RBFOX1: variants seen among roughly 807,000 people sequenced by gnomAD.
RBFOX1 encodes RNA binding protein fox-1 homolog 1.
RBFOX1 carries 8 observed loss-of-function variants against 57.7 expected under a neutral mutation model. That is an observed-to-expected ratio of 0.14 (90% CI 0.08 to 0.25). The LOEUF (loss-of-function observed/expected upper bound fraction) is 0.25, where lower values mean the gene tolerates loss of function less well. RBFOX1 is among the 10% of genes least tolerant of loss of function. RBFOX1 has a pLI of 1.00. For missense variants in RBFOX1, 611 were observed against 548.5 expected, an observed-to-expected ratio of 1.11 and a Z score of -1.14; for synonymous variants, 326 against 222.4, an observed-to-expected ratio of 1.47 and a Z score of -4.15.
At chr16:6,898,959 G>C (rs114529120) in intron 3 of RBFOX1, among the ~76,000 whole-genome samples, 2,093 of 151,500 alleles carry the variant, frequency 0.014, 54 homozygotes, top group African/African-American at 0.047. Context: ...ATAATACATT[G>C]TGTATGTGTA....
intron 2 of RBFOX1, among the ~76,000 whole-genome samples, chr16:6,605,430 G>T (rs1187958196): frequency 6.6e-6 from 1 of 152,098 alleles, no homozygotes; most frequent in African/African-American, 2.4e-5. Flanking sequence ...ACTGTGAACT[G>T]GATCTTATAT....
chr16:7,049,939 CAAATATCCAGT>C (rs1178109755), intron 3 of RBFOX1, among the ~76,000 whole-genome samples: 1 of 152,128 alleles, frequency 6.6e-6, no homozygotes, highest in East Asian at 1.9e-4. Context: ...CAATGTTGTG[CAAATATCCAGT>C]TTGAGAACAT....
chr16:7,325,789 C>G (rs1221010371), intron 4 of RBFOX1, among the ~76,000 whole-genome samples: 1 of 152,192 alleles, frequency 6.6e-6, no homozygotes, highest in Non-Finnish European at 1.5e-5. Flanking sequence ...TAGCCATCCT[C>G]TCCTTCACTG....
intron 4 of RBFOX1, among the ~76,000 whole-genome samples, chr16:5,891,208 C>T (rs1176568242): frequency 2.0e-5 from 3 of 152,058 alleles, no homozygotes; most frequent in Admixed American, 6.5e-5. Flanking sequence ...TCCTCTCTCT[C>T]GTGCATGTGA....
intron 2 of RBFOX1, among the ~76,000 whole-genome samples, chr16:6,523,899 C>T (rs1169266494): frequency 6.6e-6 from 1 of 152,100 alleles, no homozygotes; most frequent in Non-Finnish European, 1.5e-5. Context: ...GGTATAGATA[C>T]TTATGGGATG....
At chr16:6,522,014 A>T (rs1277085949) in intron 2 of RBFOX1, among the ~76,000 whole-genome samples, 1 of 152,152 alleles carries the variant, frequency 6.6e-6, no homozygotes, top group African/African-American at 2.4e-5. Flanking sequence ...TACAAAGCCA[A>T]ATATTTGTTT....
intron 3 of RBFOX1, among the ~76,000 whole-genome samples, chr16:7,011,273 T>A (rs1385589552): frequency 6.6e-6 from 1 of 152,204 alleles, no homozygotes. Context: ...ATTCTTTTAA[T>A]GATTCTGAGG....
Position 5,652,566 on chromosome 16 carries a change from C to T in RBFOX1, c.318+53605C>T, listed in dbSNP as rs141799008. 2.5e-3 allele frequency among the ~76,000 whole-genome samples: 380 copies of T among 152,304 alleles called. 1 individual carries two copies. Among genetic ancestry groups the T allele is most frequent in the African/African-American group, 8.5e-3 (353 of 41,562 alleles). On this transcript the variant is annotated intron_variant, in intron 3 of 19. Transcript: ENST00000641259. ...CTTTTTGTGCTTCGCCAAGGCCATA[C>T]CATCCAGACCTCCACTCCAGAAGTC...
chr16:7,358,258 G>A (rs2097255374), intron 4 of RBFOX1, among the ~76,000 whole-genome samples: 1 of 152,198 alleles, frequency 6.6e-6, no homozygotes, highest in Non-Finnish European at 1.5e-5. Context: ...AATAAACCGT[G>A]ACAGAGAAAG....
At chr16:6,231,347 A>T (rs533316826) in intron 1 of RBFOX1, among the ~76,000 whole-genome samples, 2 of 152,010 alleles carry the variant, frequency 1.3e-5, no homozygotes, top group African/African-American at 4.8e-5. Context: ...TTCCGTGTTT[A>T]AATTCAGTGA....
At chr16:5,815,870 G>C (rs557581297) in intron 3 of RBFOX1, among the ~76,000 whole-genome samples, 1 of 152,170 alleles carries the variant, frequency 6.6e-6, no homozygotes, top group African/African-American at 2.4e-5. Flanking sequence ...GGCAGGGGCT[G>C]GGAGCCTGGG....
At chr16:6,706,790 G>C (rs1352183352) in intron 3 of RBFOX1, among the ~76,000 whole-genome samples, 1 of 151,006 alleles carries the variant, frequency 6.6e-6, no homozygotes, top group Non-Finnish European at 1.5e-5. Context: ...CATATTCTTA[G>C]GAATAACAGA....
At chr16:7,178,259 C>G (rs1023991849) in intron 4 of RBFOX1, among the ~76,000 whole-genome samples, 4 of 152,230 alleles carry the variant, frequency 2.6e-5, no homozygotes, top group African/African-American at 9.6e-5. Flanking sequence ...CACTATCAGC[C>G]TGTCGCTTTA....
At chr16:6,402,143 T>G (rs1157800738) in intron 2 of RBFOX1, among the ~76,000 whole-genome samples, 1 of 151,544 alleles carries the variant, frequency 6.6e-6, no homozygotes, top group African/African-American at 2.4e-5. Flanking sequence ...AAAAAAATGC[T>G]AAGCATGCAT....
intron 3 of RBFOX1, among the ~76,000 whole-genome samples, chr16:6,790,169 C>CTATTATTATTAT (rs71145294): frequency 0.36 from 51,256 of 141,242 alleles, 9,688 homozygotes; most frequent in Non-Finnish European, 0.41. Flanking sequence ...TTATTTTATT[C>CTATTATTATTAT]TATTATTATT....
At chr16:5,817,285 C>A (rs753479452) in intron 3 of RBFOX1, among the ~76,000 whole-genome samples, 3 of 152,138 alleles carry the variant, frequency 2.0e-5, no homozygotes, top group Non-Finnish European at 4.4e-5. Flanking sequence ...GCTTTGAAAT[C>A]CATATTCTTC....
chr16:7,558,188 C>A (rs969687786), intron 5 of RBFOX1, among the ~76,000 whole-genome samples: 2 of 151,852 alleles, frequency 1.3e-5, no homozygotes, highest in South Asian at 2.1e-4. Context: ...ACTCCATATC[C>A]ACTAAAAATA....
chr16:7,288,919 A>ACGACATTGGCTATGCAGGGGAT (rs2095704277), intron 4 of RBFOX1, among the ~76,000 whole-genome samples: 1 of 152,238 alleles, frequency 6.6e-6, no homozygotes, highest in African/African-American at 2.4e-5. Flanking sequence ...ATGCAGGGGA[A>ACGACATTGGCTATGCAGGGGAT]CAACATTGGA....
intron 3 of RBFOX1, among the ~76,000 whole-genome samples, chr16:6,697,101 C>G (rs1000193): frequency 6.6e-6 from 1 of 152,044 alleles, no homozygotes; most frequent in East Asian, 1.9e-4. Context: ...TGGGGAAAGC[C>G]AAAGAAAAAT....
Sources: allele counts gnomAD v4.1 joint callset (sites outside exome capture counted in the v4.1 genomes callset), GRCh38; gene constraint gnomAD v4.1.1; transcripts MANE v1.5; gene names NCBI Gene and HGNC (gene_info 2026-07-23, HGNC 2026-07-21).